Variants in NRXN1 observed in about 807,000 individuals in gnomAD.
NRXN1 encodes neurexin 1, also known as neurexin-1.
In NRXN1, 39 loss-of-function variants were observed where a neutral mutation model predicts 150.9. That is an observed-to-expected ratio of 0.26 (90% confidence interval 0.20 to 0.34). The LOEUF (loss-of-function observed/expected upper bound fraction) is 0.34. Among genes scored for constraint, NRXN1 ranks in the 10% least tolerant of loss-of-function variants. The pLI, the probability that NRXN1 is intolerant of heterozygous loss-of-function variation, is 1.00. For missense variants in NRXN1, 1,815 were observed against 1,949.9 expected, an observed-to-expected ratio of 0.93 and a Z score of 1.30; for synonymous variants, 924 against 757.0, an observed-to-expected ratio of 1.22 and a Z score of -3.62.
chr2:50,985,658 A>T (rs951532940), intron 2 of NRXN1, among the ~76,000 whole-genome samples: 16 of 151,820 alleles, frequency 1.1e-4, no homozygotes, highest in Non-Finnish European at 1.9e-4. Flanking sequence ...ATAGTCAAAT[A>T]AAAAGATAAA....
intron 12 of NRXN1, among the ~76,000 whole-genome samples, chr2:50,514,659 A>G (rs1181512623): frequency 1.3e-5 from 2 of 152,204 alleles, no homozygotes; most frequent in Non-Finnish European, 2.9e-5. Flanking sequence ...AAGCAAGCAT[A>G]GAATGTATGT....
intron 17 of NRXN1, among the ~76,000 whole-genome samples, chr2:50,251,862 C>T (rs1301704276): frequency 6.6e-6 from 1 of 152,108 alleles, no homozygotes; most frequent in Non-Finnish European, 1.5e-5. Context: ...GCCCTTTGCC[C>T]AGTTTTTAAT....
intron 17 of NRXN1, among the ~76,000 whole-genome samples, chr2:50,318,684 T>C (rs1240974626): frequency 6.6e-6 from 1 of 152,122 alleles, no homozygotes; most frequent in African/African-American, 2.4e-5. Context: ...CTACTATTAT[T>C]CCATTTATAT....
At chr2:50,248,243 G>C (rs918042334) in intron 17 of NRXN1, among the ~76,000 whole-genome samples, 1 of 152,058 alleles carries the variant, frequency 6.6e-6, no homozygotes, top group South Asian at 2.1e-4. Context: ...TCAAACTTCT[G>C]GCCTCAATAG....
At chr2:50,829,441 T>C in intron 5 of NRXN1, 2 of 1,524,694 alleles carry the variant, frequency 1.3e-6, no homozygotes, top group Non-Finnish European at 1.8e-6. Context: ...TCAGGATTTT[T>C]CCCTTTGCTG....
chr2:50,578,608 T>C (rs753501858), intron 8 of NRXN1, among the ~76,000 whole-genome samples: 41 of 152,184 alleles, frequency 2.7e-4, no homozygotes, highest in Non-Finnish European at 5.6e-4. Flanking sequence ...TGAATGTGTG[T>C]AGCTGTGCAT....
At chr2:50,662,160 A>G (rs1438068516) in intron 5 of NRXN1, among the ~76,000 whole-genome samples, 1 of 152,070 alleles carries the variant, frequency 6.6e-6, no homozygotes, top group Non-Finnish European at 1.5e-5. Flanking sequence ...AATGTAGAAA[A>G]GTATATCATC....
intron 17 of NRXN1, among the ~76,000 whole-genome samples, chr2:50,270,337 T>C (rs2069425679): frequency 6.6e-6 from 1 of 152,132 alleles, no homozygotes; most frequent in East Asian, 1.9e-4. Flanking sequence ...CTTTAATAAT[T>C]ATAGATCCAC....
At chr2:50,187,497 AGTG>A in intron 18 of NRXN1, among the ~76,000 whole-genome samples, 1 of 152,028 alleles carries the variant, frequency 6.6e-6, no homozygotes, top group East Asian at 1.9e-4. Flanking sequence ...TAAAAAAAAT[AGTG>A]GTAGTTTGAA....
chr2:50,208,004 A>C (rs2062739001), intron 18 of NRXN1, among the ~76,000 whole-genome samples: 1 of 152,046 alleles, frequency 6.6e-6, no homozygotes, highest in African/African-American at 2.4e-5. Flanking sequence ...GAGGAGAAAA[A>C]GGCAAACCTT....
chr2:50,381,352 G>C (rs2080945433), intron 17 of NRXN1, among the ~76,000 whole-genome samples: 1 of 151,964 alleles, frequency 6.6e-6, no homozygotes, highest in African/African-American at 2.4e-5. Flanking sequence ...GGAATGGGTG[G>C]CAGAAGAGGG....
At chr2:50,682,326 A>T (rs1310684279) in intron 5 of NRXN1, among the ~76,000 whole-genome samples, 1 of 152,172 alleles carries the variant, frequency 6.6e-6, no homozygotes, top group Admixed American at 6.5e-5. Context: ...GCCCATTTAC[A>T]TAACCAAGCC....
intron 17 of NRXN1, among the ~76,000 whole-genome samples, chr2:50,386,284 A>G (rs563666987): frequency 6.6e-6 from 1 of 152,288 alleles, no homozygotes; most frequent in South Asian, 2.1e-4. Context: ...GGTTTAAAAG[A>G]TAAAATCTGT....
intron 18 of NRXN1, among the ~76,000 whole-genome samples, chr2:50,233,693 AC>A (rs2065168282): frequency 6.6e-6 from 1 of 152,084 alleles, no homozygotes; most frequent in East Asian, 1.9e-4. Context: ...AATAAGTCTA[AC>A]TTTTACAGAT....
chr2:50,489,151 A>G (rs2091078081), intron 15 of NRXN1, among the ~76,000 whole-genome samples: 1 of 152,226 alleles, frequency 6.6e-6, no homozygotes, highest in Admixed American at 6.5e-5. Flanking sequence ...GAAAAGCTGA[A>G]GAAAGCTATT....
At chr2:50,403,998 A>T (rs1167554425) in intron 17 of NRXN1, among the ~76,000 whole-genome samples, 1 of 152,082 alleles carries the variant, frequency 6.6e-6, no homozygotes, top group African/African-American at 2.4e-5. Context: ...TTCTCTATAG[A>T]TACAATTTTA....
At chr2:50,769,705 T>C (rs1470333198) in intron 5 of NRXN1, among the ~76,000 whole-genome samples, 1 of 152,058 alleles carries the variant, frequency 6.6e-6, no homozygotes, top group Non-Finnish European at 1.5e-5. Context: ...AGCCTCATTA[T>C]GATGATAAAG....
intron 15 of NRXN1, among the ~76,000 whole-genome samples, chr2:50,480,645 G>C (rs1485028199): frequency 2.0e-5 from 3 of 152,030 alleles, no homozygotes; most frequent in African/African-American, 4.8e-5. Context: ...ACTCCTTCTA[G>C]CCTTTGGGCC....
In NRXN1 at chr2:51,017,131, C is replaced by T. The variant is rs186958353; in HGVS notation, c.772+10371G>A. ...GGGTGGGGGTCTAGGGGAGGGATAT[C>T]ATTAGGAGAAATACCTAATATAGAT... On this transcript the variant is annotated intron_variant, in intron 2 of 22. Coordinates refer to ENST00000401669, the MANE Select transcript of NRXN1 (RefSeq NM_001330078.2). 1.1e-3 allele frequency among the ~76,000 whole-genome samples: 160 copies of T among 152,006 alleles called. 1 individual carries two copies. Among genetic ancestry groups the T allele is most frequent in the African/African-American group, 3.7e-3 (154 of 41,472 alleles).
Sources: allele counts gnomAD v4.1 joint callset (sites outside exome capture counted in the v4.1 genomes callset), GRCh38; gene constraint gnomAD v4.1.1; transcripts MANE v1.5; gene names NCBI Gene and HGNC (gene_info 2026-07-23, HGNC 2026-07-21).